Variants in GLB1 observed in about 807,000 individuals in gnomAD.
GLB1 encodes the protein galactosidase beta 1.
Under a neutral mutation model 74.0 loss-of-function variants are expected in GLB1, and 56 were observed. The observed-to-expected ratio is 0.76, with a 90% CI of 0.61 to 0.94. The LOEUF (loss-of-function observed/expected upper bound fraction) is 0.94, where lower values mean the gene tolerates loss of function less well. GLB1 is among the 40% of genes least tolerant of loss of function. GLB1 has a pLI of 0.00. For missense variants in GLB1, 787 were observed against 845.5 expected, an observed-to-expected ratio of 0.93 and a Z score of 0.86; for synonymous variants, 323 against 323.6, an observed-to-expected ratio of 1.00 and a Z score of 0.02.
chr3:33,085,591 T>C (rs556104796), intron 1 of GLB1, among the ~76,000 whole-genome samples: 1 of 152,128 alleles, frequency 6.6e-6, no homozygotes, highest in Non-Finnish European at 1.5e-5. Flanking sequence ...GCGCCTAAAT[T>C]GTGATCTGCA....
the GLB1 span, among the ~76,000 whole-genome samples, chr3:32,969,799 T>G: frequency 6.6e-6 from 1 of 152,236 alleles, no homozygotes. Context: ...AGGCATCATT[T>G]CCATGTGCCA....
At chr3:33,041,961 C>A (rs1698520213) in intron 10 of GLB1, among the ~76,000 whole-genome samples, 1 of 152,106 alleles carries the variant, frequency 6.6e-6, no homozygotes, top group Admixed American at 6.6e-5. Flanking sequence ...TGATCTTCCC[C>A]CCACATAAAT....
intron 1 of GLB1, 121 bp from the exon 2 acceptor site, chr3:33,072,834 A>G (rs1699935623): frequency 1.4e-6 from 2 of 1,471,464 alleles, no homozygotes; most frequent in South Asian, 2.4e-5. Context: ...GATGGACTTA[A>G]TGCTTGTTTT....
At chr3:32,985,395 A>G in the GLB1 span, among the ~76,000 whole-genome samples, 1 of 151,818 alleles carries the variant, frequency 6.6e-6, no homozygotes, top group African/African-American at 2.4e-5. Flanking sequence ...GGTTCAAGCG[A>G]TTCTCCTGCC....
At position 33,093,017 on chromosome 3, in the gene GLB1, A is replaced by C; in HGVS notation, c.75+3994T>G. The C allele has an allele frequency of 1.2e-6, 2 of 1,614,224 alleles. No homozygotes were observed. Among genetic ancestry groups the C allele is most frequent in the Non-Finnish European group, 1.7e-6 (2 of 1,180,042 alleles). On this transcript the variant is annotated intron_variant, in intron 1 of 15. Coordinates refer to ENST00000307363, the MANE Select transcript of GLB1 (RefSeq NM_000404.4). The surrounding 1 kb of genome is among the most constrained non-coding windows in gnomAD (Gnocchi z 6.0). ...CGTTCAAGGGGAAGATCTGCCCAGC[A>C]TGTGTGTGCCCAGAAAGGATCAGGT...
chr3:33,042,740 T>C (rs1359850523), intron 10 of GLB1, among the ~76,000 whole-genome samples: 2 of 152,298 alleles, frequency 1.3e-5, no homozygotes, highest in African/African-American at 4.8e-5. Context: ...AAAAATGCCA[T>C]ATACCTTCCC....
At position 32,997,128 on chromosome 3, in the gene GLB1, C is replaced by T. The variant is rs774771223; in HGVS notation, c.1951G>A (p.Asp651Asn). 5.6e-6 allele frequency: 9 copies of T among 1,613,938 alleles called. No individual in the cohort carries two copies. Among genetic ancestry groups the T allele is most frequent in the Admixed American group, 1.7e-5 (1 of 59,998 alleles). Residue 651 changes from aspartate to asparagine, a missense_variant, in exon 16 of 16, where the codon GAT becomes AAT. Coordinates refer to ENST00000307363, the MANE Select transcript of GLB1 (RefSeq NM_000404.4). Reference sequence around the variant, plus strand: ...TTTTCAACAGGTTTGGAGGGATGATCGTAGGTCACAGATGAGCCAATAACT... The same window carrying T: ...TTTTCAACAGGTTTGGAGGGATGATTGTAGGTCACAGATGAGCCAATAACT... ...RPVIGSSVTY[D>N]HPSKPVEKRL...
At chr3:33,009,414 C>T (rs56340842) in intron 15 of GLB1, among the ~76,000 whole-genome samples, 32,292 of 150,606 alleles carry the variant, frequency 0.21, 3,767 homozygotes, top group Admixed American at 0.3. Flanking sequence ...CCCAGCTACT[C>T]GAGAGGCTGA....
intron 6 of GLB1, among the ~76,000 whole-genome samples, chr3:33,057,622 CATAAGGTAAGTTCCCAGCCA>C (rs1196546718): frequency 6.6e-6 from 1 of 152,236 alleles, no homozygotes; most frequent in Non-Finnish European, 1.5e-5. Context: ...GACAACAAAG[CATAAGGTAAGTTCCCAGCCA>C]GTGGCTGACC....
chr3:33,018,638 T>A, intron 12 of GLB1, 77 bp from the exon 13 acceptor site: 1 of 1,444,504 alleles, frequency 6.9e-7, no homozygotes, highest in Non-Finnish European at 9.6e-7. Context: ...TAGACATGTA[T>A]GAAAGCGATG....
intron 1 of GLB1, among the ~76,000 whole-genome samples, chr3:33,088,935 A>T (rs1559420099): frequency 6.6e-6 from 1 of 152,208 alleles, no homozygotes; most frequent in Non-Finnish European, 1.5e-5. Flanking sequence ...ATAAAGACAG[A>T]CATAGAGCAA....
At chr3:33,002,366 A>T (rs55884438) in intron 15 of GLB1, among the ~76,000 whole-genome samples, 17 of 73,908 alleles carry the variant, frequency 2.3e-4, no homozygotes, top group Admixed American at 9.2e-4. Context: ...CCTTCCTTCC[A>T]TCCTTCCTTC....
At chr3:33,020,367 AG>A (rs1697417040) in intron 12 of GLB1, among the ~76,000 whole-genome samples, 1 of 152,188 alleles carries the variant, frequency 6.6e-6, no homozygotes, top group Non-Finnish European at 1.5e-5. Flanking sequence ...ATCAGAAAGG[AG>A]GACGTGGATA....
In GLB1 at chr3:33,014,198, T is replaced by G; in HGVS notation, c.1592A>C (p.Asp531Ala). The change falls in exon 15 of 16, where the codon GAC becomes GCC. Residue 531 changes from aspartate to alanine, a missense_variant. Transcript: ENST00000307363. Reference protein sequence around the residue: ...CSHLGGWGHRDSGHHDEAWAH... With the variant: ...CSHLGGWGHRASGHHDEAWAH... ...CCAGGCTTCATCATGGTGGCCACTG[T>G]CACGGTGTCCCCAGCCCCCCAGGTG... The G allele has an allele frequency of 6.2e-7, 1 of 1,614,148 alleles. No homozygotes were observed. Among genetic ancestry groups the G allele is most frequent in the Non-Finnish European group, 8.5e-7 (1 of 1,180,020 alleles).
chr3:32,995,232 AG>A (rs1236203343), downstream of GLB1, among the ~76,000 whole-genome samples: 33 of 152,278 alleles, frequency 2.2e-4, no homozygotes, highest in African/African-American at 7.2e-4. Context: ...TGCCTTCTGG[AG>A]ATTCTCTGCT....
At chr3:33,055,174 C>T (rs1042825770) in intron 6 of GLB1, among the ~76,000 whole-genome samples, 12 of 152,258 alleles carry the variant, frequency 7.9e-5, no homozygotes, top group African/African-American at 1.7e-4. Flanking sequence ...TGGCAAAAGC[C>T]TCAGACTGGA....
At chr3:33,083,397 C>CAAAAAAAAA (rs60737086) in intron 1 of GLB1, among the ~76,000 whole-genome samples, 1 of 104,214 alleles carries the variant, frequency 9.6e-6, no homozygotes, top group African/African-American at 3.6e-5. Flanking sequence ...AACTCTGTCT[C>CAAAAAAAAA]AAAAAAAAAA....
intron 14 of GLB1, among the ~76,000 whole-genome samples, chr3:33,015,865 T>G (rs1227063236): frequency 6.6e-6 from 1 of 152,232 alleles, no homozygotes; most frequent in Non-Finnish European, 1.5e-5. Flanking sequence ...GTTCCCTTGA[T>G]AAGGCATTCT....
chr3:33,081,743 G>C (rs9863331), intron 1 of GLB1, among the ~76,000 whole-genome samples: 1 of 152,110 alleles, frequency 6.6e-6, no homozygotes, highest in African/African-American at 2.4e-5. Context: ...CAAGGTCACA[G>C]TGGCAACCAG....
Sources: gnomAD v4.1 joint callset for allele counts (sites outside exome capture counted in the v4.1 genomes callset) on GRCh38, gnomAD v4.1.1 for gene constraint, Gnocchi (gnomAD v3.1) non-coding constraint, MANE v1.5 for transcripts, NCBI Gene and HGNC (gene_info 2026-07-23, HGNC 2026-07-21) for gene names.